Variants in PCDHGB6 observed in about 807,000 individuals in gnomAD.
The protein encoded by PCDHGB6 is protocadherin gamma subfamily B, 6.
In PCDHGB6, 51 loss-of-function variants were observed where a neutral mutation model predicts 59.1. The observed-to-expected ratio is 0.86, with a 90% CI of 0.69 to 1.09. PCDHGB6 has a LOEUF of 1.09. PCDHGB6 is among the 50% of genes least tolerant of loss of function. PCDHGB6 has a pLI of 0.00. For synonymous variants in PCDHGB6, 466 were observed against 495.1 expected (o/e 0.94, Z 0.78); for missense variants, 1,148 against 1,205.1 (o/e 0.95, Z 0.70).
rs142329128 is a variant in PCDHGB6, at chr5:141,439,495, C to T, written c.2418+28875C>T. Among the ~76,000 whole-genome samples the T allele has an allele frequency of 9.7e-4, 147 of 152,324 alleles. 1 individual carries two copies. The highest frequency in any genetic ancestry group is 3.4e-3 in the African/African-American group (140 of 41,568). ...TCAGCTTGCAAATTCCAGTGAGAAACGTCTTTCTCTCTGCTCTCAACTAAC... is the reference window on the plus strand; with the variant it reads ...TCAGCTTGCAAATTCCAGTGAGAAATGTCTTTCTCTCTGCTCTCAACTAAC... On this transcript the variant is annotated intron_variant, in intron 1 of 3. Coordinates refer to ENST00000520790, the MANE Select transcript of PCDHGB6 (RefSeq NM_018926.3).
chr5:141,440,056 G>A, intron 1 of PCDHGB6: 1 of 152,648 alleles, frequency 6.6e-6, no homozygotes, highest in East Asian at 1.9e-4. Flanking sequence ...GAAAGCTTCG[G>A]GTTAATGCTG....
rs1561745511 is a variant in PCDHGB6 at position 141,413,844 on chromosome 5, C to T, written c.2418+3224C>T. The stretch of plus-strand genomic sequence containing the variant: ...TCCTCACCGCCTCCGACGGGGGTGA[C>T]CCTCTCCGATCTGGCACTGTCCTTG... On this transcript the variant is annotated intron_variant, in intron 1 of 3. Transcript: ENST00000520790. The T allele has an allele frequency of 5.6e-6, 9 of 1,613,254 alleles. No homozygotes were observed. The East Asian group carries it at 6.7e-5, about 12-fold the overall frequency.
At position 141,409,069 on chromosome 5, in the gene PCDHGB6, A is replaced by G. The variant is rs886525915; in HGVS notation, c.867A>G (p.Lys289=). The G allele has an allele frequency of 3.1e-6, 5 of 1,614,008 alleles. No individual in the cohort carries two copies. The highest frequency in any genetic ancestry group is 4.2e-6 in the Non-Finnish European group (5 of 1,179,898). ...TCCGAAGCACTGCCCAGAGCACAAA[A>G]CATATGTTCTCATTGGATGAGAAAA... ...YYFRSTAQST[K]HMFSLDEKTG... is the part of the protein sequence containing the mutation. The change falls in exon 1 of 4, where the codon AAA becomes AAG. Residue 289 remains lysine, a synonymous_variant. Transcript: ENST00000520790.
intron 1 of PCDHGB6, chr5:141,424,664 A>G (rs923488035): frequency 1.3e-5 from 2 of 152,124 alleles, no homozygotes; most frequent in African/African-American, 4.8e-5. Context: ...CTTTAATTAA[A>G]CTGATTTAGC....
At chr5:141,509,322 C>G (rs563556144) in intron 3 of PCDHGB6, among the ~76,000 whole-genome samples, 1 of 152,318 alleles carries the variant, frequency 6.6e-6, no homozygotes, top group East Asian at 1.9e-4. Flanking sequence ...GAGAGAAGCT[C>G]TACTGCCAGC....
chr5:141,455,983 C>T (rs542017964), intron 1 of PCDHGB6, among the ~76,000 whole-genome samples: 23 of 151,546 alleles, frequency 1.5e-4, no homozygotes, highest in African/African-American at 5.1e-4. Context: ...CTGCAAGCTC[C>T]GCCTCTCGGG....
intron 1 of PCDHGB6, among the ~76,000 whole-genome samples, chr5:141,425,114 T>A (rs537694464): frequency 5.9e-5 from 9 of 152,326 alleles, no homozygotes; most frequent in African/African-American, 2.2e-4. Context: ...TGCCTACATT[T>A]TTCTTGAAGT....
At chr5:141,457,175 A>C (rs1447297536) in intron 1 of PCDHGB6, among the ~76,000 whole-genome samples, 2 of 152,192 alleles carry the variant, frequency 1.3e-5, no homozygotes, top group Non-Finnish European at 2.9e-5. Flanking sequence ...ACCCTATTGC[A>C]AATAGTAGAG....
intron 1 of PCDHGB6, among the ~76,000 whole-genome samples, chr5:141,452,267 G>C (rs995249228): frequency 1.3e-5 from 2 of 151,882 alleles, no homozygotes; most frequent in Non-Finnish European, 2.9e-5. Context: ...TCATTTTCTT[G>C]AACCCTTTCT....
chr5:141,408,283 C>G lies in PCDHGB6; in HGVS notation c.81C>G (p.Pro27=), dbSNP rs62378453. Residue 27 remains proline, a synonymous_variant, in exon 1 of 4, where the codon CCC becomes CCG. Transcript: ENST00000520790. ...LFPLLLPLFY[P]TLSEPIRYSI... Reference sequence around the variant, plus strand: ...CTTTGCTGCTGCCTTTGTTCTACCCCACCCTGAGTGAGCCGATCCGCTACT... The same window carrying G: ...CTTTGCTGCTGCCTTTGTTCTACCCGACCCTGAGTGAGCCGATCCGCTACT... The G allele has an allele frequency of 0.09, 144,952 of 1,612,732 alleles. 7,152 individuals are homozygous for G. The highest frequency in any genetic ancestry group is 0.18 in the African/African-American group (13,659 of 74,978).
intron 1 of PCDHGB6, among the ~76,000 whole-genome samples, chr5:141,494,382 G>C (rs1311387598): frequency 6.6e-6 from 1 of 152,182 alleles, no homozygotes; most frequent in Non-Finnish European, 1.5e-5. Flanking sequence ...CCCAGCTGAG[G>C]AGTTGAATAA....
chr5:141,415,552 G>T (rs1244457142), intron 1 of PCDHGB6: 3 of 1,613,980 alleles, frequency 1.9e-6, no homozygotes, highest in African/African-American at 2.7e-5. Flanking sequence ...TGAGAAAAAC[G>T]ATCCTTTGTC....
intron 2 of PCDHGB6, 30 bp from the exon 3 acceptor site, chr5:141,505,361 AGT>A: frequency 6.2e-7 from 1 of 1,613,910 alleles, no homozygotes; most frequent in Non-Finnish European, 8.5e-7. Context: ...CCGGCCTGGG[AGT>A]CTGTGCTCAC....
rs568927137 is a variant in PCDHGB6, at chr5:141,410,186, CT to C, written c.1985del (p.Leu662ArgfsTer37). On this transcript the variant is annotated frameshift_variant, in exon 1 of 4. Coordinates refer to ENST00000520790, the MANE Select transcript of PCDHGB6 (RefSeq NM_018926.3). LOFTEE classifies it high-confidence loss of function. ...ACTCTCTGCCACCGCCACGCTTCAT[CT>C]GGTCTTCGCAGACAACTTGCAAGAG... The part of the protein sequence containing the change: ...PPLSATATLH[L>X]VFADNLQEIL... 1.6e-5 allele frequency: 26 copies of C among 1,613,940 alleles called. 1 individual carries two copies. In the South Asian group the frequency reaches 2.6e-4, roughly 16 times the overall value.
intron 1 of PCDHGB6, among the ~76,000 whole-genome samples, chr5:141,463,534 C>T (rs866525322): frequency 2.6e-4 from 39 of 148,938 alleles, no homozygotes; most frequent in Admixed American, 7.5e-4. Flanking sequence ...CTAGAAACTC[C>T]GGCTCCCGGG....
At position 141,485,402 on chromosome 5, in the gene PCDHGB6, G is replaced by T. The variant is rs375700791; in HGVS notation, c.2419-9405G>T. ...AGAGGTGAACCAAAGACACTTCCGTGTGGATTTGGACAGCGGAGCCCTGCT... is the reference window on the plus strand; with the variant it reads ...AGAGGTGAACCAAAGACACTTCCGTTTGGATTTGGACAGCGGAGCCCTGCT... On this transcript the variant is annotated intron_variant, in intron 1 of 3. Coordinates refer to ENST00000520790, the MANE Select transcript of PCDHGB6 (RefSeq NM_018926.3). This position sits in a 1 kb window ranked among gnomAD's most constrained non-coding sequence, Gnocchi z 5.7. The T allele has an allele frequency of 6.2e-7, 1 of 1,614,194 alleles. No homozygotes were observed. Among genetic ancestry groups the T allele is most frequent in the East Asian group, 2.2e-5 (1 of 44,878 alleles).
Position 141,432,325 on chromosome 5 carries a change from C to CGAGCA in PCDHGB6, c.2418+21707_2418+21711dup, listed in dbSNP as rs768604869. On this transcript the variant is annotated intron_variant, in intron 1 of 3. Coordinates refer to ENST00000520790, the MANE Select transcript of PCDHGB6 (RefSeq NM_018926.3). This position sits in a 1 kb window ranked among gnomAD's most constrained non-coding sequence, Gnocchi z 6.0. Reference sequence around the variant, plus strand: ...TGTATGCGCTGAGCTCCTTCGACTACGAGCAGTTCCGAGACTTGCAAGTGA... The same window carrying CGAGCA: ...TGTATGCGCTGAGCTCCTTCGACTACGAGCAGAGCAGTTCCGAGACTTGCAAGTGA... 20 of 1,614,142 alleles carry CGAGCA rather than the reference C, an allele frequency of 1.2e-5. No individual in the cohort carries two copies. Among genetic ancestry groups the CGAGCA allele is most frequent in the Non-Finnish European group, 1.7e-5 (20 of 1,180,050 alleles).
chr5:141,472,980 C>CAAAAAAAAAAAAAAAAAAAGAAAAAAAAA (rs60579131), intron 1 of PCDHGB6, among the ~76,000 whole-genome samples: 1 of 86,106 alleles, frequency 1.2e-5, no homozygotes, highest in Admixed American at 1.2e-4. Context: ...GAGTGAAACT[C>CAAAAAAAAAAAAAAAAAAAGAAAAAAAAA]AAAAAAAAAA....
At position 141,431,262 on chromosome 5, in the gene PCDHGB6, A is replaced by G. The variant is rs371663018; in HGVS notation, c.2418+20642A>G. The stretch of plus-strand genomic sequence containing the variant: ...CCGGATATCGGGAAGAACTCTCTGC[A>G]GAGCTACGAGCTCAGCCCGAACACT... On this transcript the variant is annotated intron_variant, in intron 1 of 3. Coordinates refer to ENST00000520790, the MANE Select transcript of PCDHGB6 (RefSeq NM_018926.3). The surrounding 1 kb of genome is among the most constrained non-coding windows in gnomAD (Gnocchi z 4.8). The G allele has an allele frequency of 2.6e-5, 42 of 1,614,184 alleles. No homozygotes were observed. In the African/African-American group the frequency reaches 2.7e-4, roughly 10 times the overall value.
Sources: gnomAD v4.1 joint callset for allele counts (sites outside exome capture counted in the v4.1 genomes callset) on GRCh38, gnomAD v4.1.1 for gene constraint, Gnocchi (gnomAD v3.1) non-coding constraint, MANE v1.5 for transcripts, NCBI Gene and HGNC (gene_info 2026-07-23, HGNC 2026-07-21) for gene names.